The following DIAPH1 variants were observed in gnomAD, a reference collection of about 807,000 sequenced individuals.
DIAPH1 encodes diaphanous related formin 1.
Under a neutral mutation model 140.7 loss-of-function variants are expected in DIAPH1, and 46 were observed. The observed-to-expected ratio is 0.33, with a 90% CI of 0.26 to 0.42. The LOEUF (loss-of-function observed/expected upper bound fraction) is 0.42. Among genes scored for constraint, DIAPH1 ranks in the 10% least tolerant of loss-of-function variants. DIAPH1 has a pLI of 1.00. For synonymous variants in DIAPH1, 565 were observed against 551.6 expected (o/e 1.02, Z -0.34); for missense variants, 1,310 against 1,558.7 (o/e 0.84, Z 2.69).
At chr5:141,558,880 C>T (rs2099893072) in intron 18 of DIAPH1, among the ~76,000 whole-genome samples, 1 of 139,642 alleles carries the variant, frequency 7.2e-6, no homozygotes, top group African/African-American at 2.7e-5. Context: ...ATAATGGCAA[C>T]ACATACAACA....
rs1249585968 is a variant in DIAPH1 at position 141,565,150 on chromosome 5, CA to C, written c.2482+6277del. The C allele has an allele frequency of 6.6e-6, 1 of 152,022 alleles. No individual in the cohort carries two copies. Among genetic ancestry groups the C allele is most frequent in the African/African-American group, 2.4e-5 (1 of 41,408 alleles). 9.4% of individuals were successfully genotyped at this position (152,022 alleles called of 1,614,324 possible). Reference sequence around the variant, plus strand: ...AATACAACTATCAGAAATAATGACACAAATCTATATGTAAGGACATCGAGAT... The same window carrying C: ...AATACAACTATCAGAAATAATGACACAATCTATATGTAAGGACATCGAGAT... On this transcript the variant is annotated intron_variant, in intron 18 of 27. Coordinates refer to ENST00000389054, the MANE Select transcript of DIAPH1 (RefSeq NM_005219.5). This position sits in a 1 kb window ranked among gnomAD's most constrained non-coding sequence, Gnocchi z 4.3.
At position 141,526,413 on chromosome 5, in the gene DIAPH1, G is replaced by A. The variant is rs749063652; in HGVS notation, c.3322C>T (p.His1108Tyr). The change falls in exon 25 of 28, where the codon CAT (histidine) becomes TAT (tyrosine). Residue 1108 changes from histidine (H) to tyrosine (Y), a missense_variant. By Grantham distance (83) the His-to-Tyr change is moderately conservative (BLOSUM62 2). Coordinates refer to ENST00000389054, the MANE Select transcript of DIAPH1 (RefSeq NM_005219.5). ...QEQYNKLRMM[H>Y]SNMETLYKEL... Reference sequence around the variant, plus strand: ...TTATAGAGGGTCTCCATGTTAGAATGCATCATCCGCAGCTTGTTATACTGT... The same window carrying A: ...TTATAGAGGGTCTCCATGTTAGAATACATCATCCGCAGCTTGTTATACTGT... 32 of 1,614,036 alleles carry A rather than the reference G, an allele frequency of 2.0e-5. No homozygotes were observed. Among genetic ancestry groups the A allele is most frequent in the Non-Finnish European group, 6.8e-6 (8 of 1,180,032 alleles).
At chr5:141,581,589 G>A (rs990543868) in intron 7 of DIAPH1, among the ~76,000 whole-genome samples, 5 of 152,202 alleles carry the variant, frequency 3.3e-5, no homozygotes, top group Non-Finnish European at 7.3e-5. Flanking sequence ...ATGAGGAAGA[G>A]AGATTTGTCC....
chr5:141,579,306 A>G, intron 8 of DIAPH1, 110 bp from the exon 9 acceptor site: 1 of 851,350 alleles, frequency 1.2e-6, no homozygotes, highest in Non-Finnish European at 2.1e-6. Flanking sequence ...GGACATTATC[A>G]GTGTTCCGGA....
At chr5:141,588,127 A>G in intron 2 of DIAPH1, 97 bp downstream of exon 2, 1 of 992,566 alleles carries the variant, frequency 1.0e-6, no homozygotes, top group East Asian at 2.4e-5. Context: ...CCATATCACC[A>G]CTATAAGTTA....
chr5:141,584,126 C>T lies in DIAPH1; in HGVS notation c.400G>A (p.Ala134Thr). Reference sequence around the variant, plus strand: ...TGGGTACCTGTCCCAGGACTCACAGCCTTGGAGGTGTACAAGTATTGGGAC... The same window carrying T: ...TGGGTACCTGTCCCAGGACTCACAGTCTTGGAGGTGTACAAGTATTGGGAC... ...MVSQYLYTSKAGMSQKESSKS... is the reference protein window; with the variant it reads ...MVSQYLYTSKTGMSQKESSKS... The change falls in exon 4 of 28, where the codon GCT becomes ACT. Residue 134 changes from alanine (A) to threonine (T), a missense_variant and splice_region_variant. Coordinates refer to ENST00000389054, the MANE Select transcript of DIAPH1 (RefSeq NM_005219.5). 6.3e-7 allele frequency: 1 copy of T among 1,597,718 alleles called. No homozygotes were observed.
In DIAPH1 at chr5:141,516,738, GGTGGTGGGA is replaced by G; in HGVS notation, c.*104_*112del. On this transcript the variant is annotated 3_prime_UTR_variant, in exon 28 of 28. Coordinates refer to ENST00000389054, the MANE Select transcript of DIAPH1 (RefSeq NM_005219.5). ...AGGCCAGAGAGAAAGACAGGGTCAG[GGTGGTGGGA>G]GTGGCCACCCCAGAGGAATATCCCC... 1.8e-6 allele frequency: 2 copies of G among 1,128,660 alleles called. No homozygotes were observed. Among genetic ancestry groups the G allele is most frequent in the East Asian group, 2.4e-5 (1 of 40,948 alleles). The allele number at this position is 1,128,660 out of a possible 1,614,324, so 69.9% of individuals were successfully genotyped here. A position where few individuals can be genotyped will look rare whatever the true frequency, so the allele number is the denominator to read the frequency against.
At chr5:141,521,247 G>A (rs1379157943) in intron 27 of DIAPH1, among the ~76,000 whole-genome samples, 26 of 152,150 alleles carry the variant, frequency 1.7e-4, no homozygotes, top group Admixed American at 1.7e-3. Context: ...TAGAGGGAAG[G>A]AAAGGAAGAG....
chr5:141,602,633 T>C (rs1596405925), intron 1 of DIAPH1, among the ~76,000 whole-genome samples: 2 of 152,172 alleles, frequency 1.3e-5, no homozygotes, highest in Non-Finnish European at 2.9e-5. Flanking sequence ...AGAGGACTAG[T>C]ATGAAGAATA....
chr5:141,611,456 G>C (rs73282323), intron 1 of DIAPH1, among the ~76,000 whole-genome samples: 7,211 of 152,214 alleles, frequency 0.047, 513 homozygotes, highest in African/African-American at 0.16. Context: ...CTACTTGTGA[G>C]GCTGAGGCAG....
At chr5:141,582,285 T>C in intron 7 of DIAPH1, 27 bp downstream of exon 7, 1 of 1,592,574 alleles carries the variant, frequency 6.3e-7, no homozygotes. Context: ...CAGATGGGGT[T>C]TGGAATGAGA....
chr5:141,541,759 C>T (rs1271129071), intron 18 of DIAPH1, among the ~76,000 whole-genome samples: 1 of 149,782 alleles, frequency 6.7e-6, no homozygotes, highest in Non-Finnish European at 1.5e-5. Flanking sequence ...AAATAAAGTA[C>T]CATAAGACAA....
chr5:141,519,477 C>A (rs2099886197), intron 27 of DIAPH1, among the ~76,000 whole-genome samples: 1 of 152,146 alleles, frequency 6.6e-6, no homozygotes, highest in Non-Finnish European at 1.5e-5. Flanking sequence ...TTGTCCTGGG[C>A]AACACAGGAG....
At chr5:141,613,156 T>A (rs1370757853) in intron 1 of DIAPH1, among the ~76,000 whole-genome samples, 1 of 152,126 alleles carries the variant, frequency 6.6e-6, no homozygotes, top group Non-Finnish European at 1.5e-5. Flanking sequence ...TTTCCCATCC[T>A]CCATAAGAGA....
In DIAPH1 at chr5:141,516,724, AAAG is replaced by A. The variant is rs554410556; in HGVS notation, c.*124_*126del. 482 of 1,020,196 alleles carry A rather than the reference AAAG, an allele frequency of 4.7e-4. 4 individuals are homozygous for A. In the African/African-American group the frequency reaches 6.6e-3, roughly 14 times the overall value. The allele number at this position is 1,020,196 out of a possible 1,614,324, so 63.2% of individuals were successfully genotyped here. A position where few individuals can be genotyped will look rare whatever the true frequency, so the allele number is the denominator to read the frequency against. On this transcript the variant is annotated 3_prime_UTR_variant, in exon 28 of 28. Transcript: ENST00000389054. ...GTTGAGAGAGCAGCAGGCCAGAGAG[AAAG>A]ACAGGGTCAGGGTGGTGGGAGTGGC...
chr5:141,566,041 T>C (rs756542290), intron 18 of DIAPH1, among the ~76,000 whole-genome samples: 2 of 152,174 alleles, frequency 1.3e-5, no homozygotes, highest in Non-Finnish European at 2.9e-5. Flanking sequence ...ATGATTATAA[T>C]GATTAACCAA....
At chr5:141,575,247 G>A in intron 14 of DIAPH1, 101 bp from the exon 15 acceptor site, 4 of 1,258,090 alleles carry the variant, frequency 3.2e-6, no homozygotes, top group Non-Finnish European at 3.5e-6. Flanking sequence ...TTTGCCTGGG[G>A]GTGCTGGAAT....
chr5:141,561,025 T>G (rs1290910603), intron 18 of DIAPH1: 4 of 433,636 alleles, frequency 9.2e-6, no homozygotes, highest in Non-Finnish European at 1.9e-5. Flanking sequence ...GTCTCTGACC[T>G]CACAATCTGG....
chr5:141,587,348 T>C, intron 2 of DIAPH1, 151 bp from the exon 3 acceptor site: 1 of 753,272 alleles, frequency 1.3e-6, no homozygotes, highest in Non-Finnish European at 2.3e-6. Flanking sequence ...AAAGAAGAAA[T>C]CAGTCTTCCT....
Sources: allele counts gnomAD v4.1 joint callset (sites outside exome capture counted in the v4.1 genomes callset), GRCh38; gene constraint gnomAD v4.1.1; non-coding constraint Gnocchi (gnomAD v3.1); transcripts MANE v1.5; gene names NCBI Gene and HGNC (gene_info 2026-07-23, HGNC 2026-07-21).